Variants in GUCY1A2 observed in about 807,000 individuals in gnomAD.
The protein encoded by GUCY1A2 is guanylate cyclase soluble subunit alpha-2.
Under a neutral mutation model 63.5 loss-of-function variants are expected in GUCY1A2, and 27 were observed. That is an observed-to-expected ratio of 0.43 (90% CI 0.31 to 0.59). GUCY1A2 has a LOEUF of 0.59. Among genes scored for constraint, GUCY1A2 ranks in the 20% least tolerant of loss-of-function variants. The pLI is 0.11. For synonymous variants in GUCY1A2, 364 were observed against 343.5 expected (o/e 1.06, Z -0.66); for missense variants, 768 against 913.3 (o/e 0.84, Z 2.05).
intron 4 of GUCY1A2, chr11:106,827,753 A>G (rs569672646): frequency 1.0e-4 from 154 of 1,525,394 alleles, no homozygotes; most frequent in Non-Finnish European, 1.4e-4. Flanking sequence ...CTGCTTTCAT[A>G]ACAGGAGAAG....
chr11:106,816,560 C>T (rs1013756120), intron 4 of GUCY1A2, among the ~76,000 whole-genome samples: 7 of 149,744 alleles, frequency 4.7e-5, no homozygotes, highest in African/African-American at 1.7e-4. Context: ...AATATAAGAG[C>T]AAAATAAACC....
chr11:106,782,463 G>C (rs747457095), intron 5 of GUCY1A2, among the ~76,000 whole-genome samples: 2 of 152,178 alleles, frequency 1.3e-5, no homozygotes, highest in Non-Finnish European at 2.9e-5. Context: ...AAAGGGGACT[G>C]GTAAATGTCC....
At chr11:107,014,079 CTTTTTTTTTTTTTT>C (rs71044206) in intron 1 of GUCY1A2, among the ~76,000 whole-genome samples, 1 of 70,018 alleles carries the variant, frequency 1.4e-5, no homozygotes, top group African/African-American at 5.9e-5. Context: ...CCATGTTTTC[CTTTTTTTTTTTTTT>C]TTTTTTTTTT....
intron 5 of GUCY1A2, among the ~76,000 whole-genome samples, chr11:106,790,539 T>C (rs1055211269): frequency 1.3e-5 from 2 of 152,138 alleles, no homozygotes; most frequent in South Asian, 2.1e-4. Flanking sequence ...TACTTTCCCC[T>C]CTGCTTTTCT....
At chr11:106,856,483 C>T (rs6588930) in intron 4 of GUCY1A2, among the ~76,000 whole-genome samples, 138,875 of 152,112 alleles carry the variant, frequency 0.91, 63,487 homozygotes, top group East Asian at 1. Context: ...TCCTTATCTA[C>T]AACTCAGAGA....
intron 4 of GUCY1A2, 93 bp downstream of exon 4, chr11:106,939,367 C>T: frequency 4.2e-6 from 3 of 717,876 alleles, no homozygotes; most frequent in South Asian, 4.0e-5. Flanking sequence ...GCTCTCTTGC[C>T]TAAATAATTA....
In GUCY1A2 at chr11:106,916,826, C is replaced by A. The variant is rs537271341; in HGVS notation, c.1206+22634G>T. ...GCTCTTTCATATGAAAGACAACTTA[C>A]ATAAAATTTATAAACACTTGCAGAA... On this transcript the variant is annotated intron_variant, in intron 4 of 7. Coordinates refer to ENST00000526355, the MANE Select transcript of GUCY1A2 (RefSeq NM_000855.3). Among the ~76,000 whole-genome samples the A allele has an allele frequency of 1.1e-3, 154 of 145,298 alleles. 33 individuals are homozygous for A. The South Asian group carries it at 0.036, about 34-fold the overall frequency.
chr11:106,830,883 T>TA (rs1379545148), intron 4 of GUCY1A2, among the ~76,000 whole-genome samples: 4 of 152,198 alleles, frequency 2.6e-5, no homozygotes, highest in Non-Finnish European at 5.9e-5. Context: ...CTACTATCAA[T>TA]TATTATTGTT....
chr11:106,687,697 T>A lies in GUCY1A2; in HGVS notation c.2051A>T (p.Asp684Val), dbSNP rs778372562. The A allele has an allele frequency of 6.2e-7, 1 of 1,613,548 alleles. No individual in the cohort carries two copies. The highest frequency in any genetic ancestry group is 8.5e-7 in the Non-Finnish European group (1 of 1,179,426). ...CCCAGGAATTTCCTTTGGAAAGTTG[T>A]CTGGAAGCTCTTCACGAGACCGCGG... Reference protein sequence around the residue: ...FIPRSREELPDNFPKEIPGIC... With the variant: ...FIPRSREELPVNFPKEIPGIC... Residue 684 changes from aspartate (D) to valine (V), a missense_variant, in exon 8 of 8, where the codon GAC becomes GTC. Asp to Val is a radical substitution (Grantham distance 152, BLOSUM62 -3). Transcript: ENST00000526355.
chr11:106,863,341 TCA>T (rs1291586843), intron 4 of GUCY1A2, among the ~76,000 whole-genome samples: 3 of 152,182 alleles, frequency 2.0e-5, no homozygotes, highest in African/African-American at 7.2e-5. Flanking sequence ...GGGTCCAGTT[TCA>T]GTTTTCTGCA....
intron 4 of GUCY1A2, among the ~76,000 whole-genome samples, chr11:106,901,730 C>T (rs557115460): frequency 4.0e-5 from 6 of 149,676 alleles, no homozygotes; most frequent in South Asian, 2.2e-4. Flanking sequence ...AGTGAGAACA[C>T]GCAGTGTTTG....
intron 7 of GUCY1A2, among the ~76,000 whole-genome samples, chr11:106,700,763 A>G (rs904884931): frequency 2.0e-5 from 3 of 152,116 alleles, no homozygotes; most frequent in Admixed American, 6.5e-5. Context: ...TTATTTTTAA[A>G]TATCAAATCA....
intron 5 of GUCY1A2, among the ~76,000 whole-genome samples, chr11:106,789,511 G>A (rs1344061408): frequency 1.3e-5 from 2 of 152,160 alleles, no homozygotes; most frequent in African/African-American, 2.4e-5. Context: ...TTCATTTGGT[G>A]AAGTCACATT....
At chr11:106,782,843 G>C (rs149946080) in intron 5 of GUCY1A2, among the ~76,000 whole-genome samples, 1 of 152,190 alleles carries the variant, frequency 6.6e-6, no homozygotes, top group East Asian at 1.9e-4. Flanking sequence ...TATGGTCTTG[G>C]GTACATTAAG....
intron 4 of GUCY1A2, among the ~76,000 whole-genome samples, chr11:106,872,645 C>T (rs537647372): frequency 2.5e-4 from 38 of 152,182 alleles, no homozygotes; most frequent in African/African-American, 8.4e-4. Flanking sequence ...GGCAAAAAGC[C>T]GGCAATTAGC....
intron 7 of GUCY1A2, among the ~76,000 whole-genome samples, chr11:106,689,660 TA>T (rs1862587556): frequency 6.6e-6 from 1 of 151,898 alleles, no homozygotes; most frequent in Non-Finnish European, 1.5e-5. Flanking sequence ...AAAACCACAA[TA>T]AGATACCATT....
intron 6 of GUCY1A2, among the ~76,000 whole-genome samples, chr11:106,716,224 C>T (rs1863210907): frequency 6.6e-6 from 1 of 152,084 alleles, no homozygotes; most frequent in Non-Finnish European, 1.5e-5. Flanking sequence ...GAATATGCCC[C>T]ACAGCAGATC....
chr11:106,715,471 T>C (rs866950304), intron 6 of GUCY1A2, among the ~76,000 whole-genome samples: 2 of 152,340 alleles, frequency 1.3e-5, no homozygotes, highest in Middle Eastern at 6.8e-3. Flanking sequence ...ATTTAAGTGA[T>C]GCCTCAGGCT....
intron 4 of GUCY1A2, among the ~76,000 whole-genome samples, chr11:106,873,078 G>A (rs991826972): frequency 3.3e-5 from 5 of 152,152 alleles, no homozygotes; most frequent in African/African-American, 1.2e-4. Context: ...CTTCATCCAT[G>A]TCCCTGCAAA....
Sources: allele counts gnomAD v4.1 joint callset (sites outside exome capture counted in the v4.1 genomes callset), GRCh38; gene constraint gnomAD v4.1.1; transcripts MANE v1.5; gene names NCBI Gene and HGNC (gene_info 2026-07-23, HGNC 2026-07-21).